The following ITGAM variants were observed in gnomAD, a reference collection of about 807,000 sequenced individuals.
ITGAM encodes the protein integrin subunit alpha M.
A neutral mutation model predicts 137.5 loss-of-function variants in ITGAM; 79 were observed. That is an observed-to-expected ratio of 0.57 (90% confidence interval 0.48 to 0.69). The LOEUF is 0.69. Ranked by LOEUF, ITGAM falls within the 30% of genes least tolerant of loss-of-function variation. The probability of loss-of-function intolerance (pLI) is 0.00; values close to 1 mark genes in which losing one functional copy is unlikely to be tolerated. For synonymous variants in ITGAM, 583 were observed against 592.3 expected (o/e 0.98, Z 0.23); for missense variants, 1,343 against 1,483.5 (o/e 0.91, Z 1.56).
Position 31,297,638 on chromosome 16 carries a change from G to A in ITGAM, c.1481G>A (p.Cys494Tyr). The part of the protein sequence containing the change: ...EQTRGGQVSV[C>Y]PLPRGRARWQ... ...ACCCGAGGGGGCCAGGTGTCCGTGT[G>A]CCCCTTGCCCAGGGGGGTGAGTGGC... The change falls in exon 13 of 30, where the codon TGC becomes TAC. Residue 494 changes from cysteine (C) to tyrosine (Y), a missense_variant. Coordinates refer to ENST00000544665, the MANE Select transcript of ITGAM (RefSeq NM_000632.4). 6.2e-7 allele frequency: 1 copy of A among 1,613,310 alleles called. No homozygotes were observed. The highest frequency in any genetic ancestry group is 8.5e-7 in the Non-Finnish European group (1 of 1,179,842).
chr16:31,328,314 A>ATG lies in ITGAM; in HGVS notation c.2792+97_2792+98dup, dbSNP rs377321047. On this transcript the variant is annotated intron_variant, in intron 23 of 29. Coordinates refer to ENST00000544665, the MANE Select transcript of ITGAM (RefSeq NM_000632.4). The stretch of plus-strand genomic sequence containing the variant: ...TGCATCTGTGTGCATGAGTCTGTGC[A>ATG]TGTGTGTGTGTGTGAGAGTCTGAGG... The ATG allele has an allele frequency of 2.2e-3, 2,223 of 1,016,894 alleles. 2 individuals are homozygous for ATG. The highest frequency in any genetic ancestry group is 4.0e-3 in the South Asian group (314 of 78,018). The allele number at this position is 1,016,894 out of a possible 1,614,324, so 63.0% of individuals were successfully genotyped here.
At chr16:31,275,026 C>A (rs1340411031) in intron 8 of ITGAM, among the ~76,000 whole-genome samples, 1 of 152,098 alleles carries the variant, frequency 6.6e-6, no homozygotes, top group African/African-American at 2.4e-5. Context: ...CAAGGGTGCT[C>A]TGTATACAAT....
chr16:31,331,395 T>A, intron 29 of ITGAM, 120 bp downstream of exon 29: 1 of 705,740 alleles, frequency 1.4e-6, no homozygotes, highest in Non-Finnish European at 2.5e-6. Flanking sequence ...TCTGGGAGCC[T>A]CTCTGCGCCT....
In ITGAM at chr16:31,320,953, G is replaced by C. The variant is rs186651345; in HGVS notation, c.1708-288G>C. On this transcript the variant is annotated intron_variant, in intron 14 of 29. Coordinates refer to ENST00000544665, the MANE Select transcript of ITGAM (RefSeq NM_000632.4). ...CTTGAGAGGCTGACAGGGCAGAATC[G>C]CTTGAGCCCAGGAGTTCAAGACCAG... Among the ~76,000 whole-genome samples, 6 of 152,268 alleles carry C rather than the reference G, an allele frequency of 3.9e-5. No individual in the cohort carries two copies. In the South Asian group the frequency reaches 1.2e-3, roughly 32 times the overall value.
At chr16:31,296,153 G>A (rs1343252662) in intron 12 of ITGAM, among the ~76,000 whole-genome samples, 4 of 149,212 alleles carry the variant, frequency 2.7e-5, no homozygotes, top group Non-Finnish European at 1.5e-5. Context: ...TGCCCAGGCT[G>A]GAGTGCAGTG....
At chr16:31,296,514 A>C (rs977735191) in intron 12 of ITGAM, among the ~76,000 whole-genome samples, 10 of 152,210 alleles carry the variant, frequency 6.6e-5, no homozygotes, top group Non-Finnish European at 1.3e-4. Context: ...TGACCTAAAA[A>C]ACAATCAAAT....
Position 31,297,572 on chromosome 16 carries a change from C to T in ITGAM, c.1415C>T (p.Thr472Ile). ...CSVDVDSNGSTDLVLIGAPHY... is the reference protein window; with the variant it reads ...CSVDVDSNGSIDLVLIGAPHY... ...GTGGACGTGGACAGCAACGGCAGCA[C>T]CGACCTGGTCCTCATCGGGGCCCCC... is the stretch of plus-strand genomic sequence containing the variant. Residue 472 changes from threonine (T) to isoleucine (I), a missense_variant, in exon 13 of 30, where the codon ACC becomes ATC. Coordinates refer to ENST00000544665, the MANE Select transcript of ITGAM (RefSeq NM_000632.4). The T allele has an allele frequency of 6.2e-7, 1 of 1,612,326 alleles. No individual in the cohort carries two copies. The highest frequency in any genetic ancestry group is 8.5e-7 in the Non-Finnish European group (1 of 1,179,866).
At chr16:31,265,756 C>T in intron 3 of ITGAM, 55 bp from the exon 4 acceptor site, 1 of 1,522,316 alleles carries the variant, frequency 6.6e-7, no homozygotes, top group Non-Finnish European at 9.0e-7. Flanking sequence ...CCAGCTCTTC[C>T]ACAGCCTTCT....
At chr16:31,295,620 ATTTATATATATATGTT>A (rs1295198598) in intron 12 of ITGAM, among the ~76,000 whole-genome samples, 1 of 150,076 alleles carries the variant, frequency 6.7e-6, no homozygotes, top group African/African-American at 2.4e-5. Flanking sequence ...TTAAAAATAT[ATTTATATATATATGTT>A]TTTATATATA....
At chr16:31,321,068 G>A (rs1301477032) in intron 14 of ITGAM, among the ~76,000 whole-genome samples, 173 bp from the exon 15 acceptor site, 1 of 152,108 alleles carries the variant, frequency 6.6e-6, no homozygotes, top group Non-Finnish European at 1.5e-5. Flanking sequence ...GTGGTCTAAA[G>A]GTGAATAATT....
chr16:31,270,699 G>GTGTATATA (rs1477833816), intron 5 of ITGAM, among the ~76,000 whole-genome samples: 529 of 25,752 alleles, frequency 0.021, 13 homozygotes, highest in Middle Eastern at 0.042. Context: ...GTGTGTGTGT[G>GTGTATATA]TATATATATA....
In ITGAM at chr16:31,297,542, G is replaced by A; in HGVS notation, c.1385G>A (p.Cys462Tyr). 1 of 1,612,072 alleles carries A rather than the reference G, an allele frequency of 6.2e-7. No individual in the cohort carries two copies. The highest frequency in any genetic ancestry group is 8.5e-7 in the Non-Finnish European group (1 of 1,179,864). The change falls in exon 13 of 30, where the codon TGC (cysteine) becomes TAC (tyrosine). Residue 462 changes from cysteine (C) to tyrosine (Y), a missense_variant. By Grantham distance (194) the Cys-to-Tyr change is radical (BLOSUM62 -2). Coordinates refer to ENST00000544665, the MANE Select transcript of ITGAM (RefSeq NM_000632.4). ...QIGAYFGASL[C>Y]SVDVDSNGST... ...GGCGCCTACTTCGGGGCCTCCCTCT[G>A]CTCCGTGGACGTGGACAGCAACGGC... is the stretch of plus-strand genomic sequence containing the variant.
At position 31,270,699 on chromosome 16, in the gene ITGAM, GTATATATATATATATATATATA is replaced by G. The variant is rs869206231; in HGVS notation, c.428-231_428-210del. ...TGACTAATTTTTAACGTGTGTGTGTGTATATATATATATATATATATATATATATATATATATATATATATGT... is the reference window on the plus strand; with the variant it reads ...TGACTAATTTTTAACGTGTGTGTGTGTATATATATATATATATATATATGT... On this transcript the variant is annotated intron_variant, in intron 5 of 29. Coordinates refer to ENST00000544665, the MANE Select transcript of ITGAM (RefSeq NM_000632.4). Among the ~76,000 whole-genome samples the G allele has an allele frequency of 3.0e-3, 79 of 26,008 alleles. 3 individuals are homozygous for G. The highest frequency in any genetic ancestry group is 0.038 in the Middle Eastern group (1 of 26). The allele number at this position is 26,008 out of a possible 152,430, so 17.1% of individuals were successfully genotyped here.
At chr16:31,323,143 C>T (rs1268586340) in intron 16 of ITGAM, among the ~76,000 whole-genome samples, 1 of 151,558 alleles carries the variant, frequency 6.6e-6, no homozygotes, top group Non-Finnish European at 1.5e-5. Context: ...AAGAATTTCC[C>T]CAAACTGGCC....
intron 14 of ITGAM, among the ~76,000 whole-genome samples, chr16:31,318,773 T>G (rs913972591): frequency 1.3e-5 from 2 of 152,236 alleles, no homozygotes; most frequent in African/African-American, 4.8e-5. Context: ...TTTAGTTTGT[T>G]CTTTTATTTC....
intron 5 of ITGAM, 42 bp from the exon 6 acceptor site, chr16:31,270,912 A>C: frequency 7.3e-7 from 1 of 1,377,340 alleles, no homozygotes; most frequent in Non-Finnish European, 9.5e-7. Flanking sequence ...CAAAACACCA[A>C]GTGTCAAATT....
intron 12 of ITGAM, among the ~76,000 whole-genome samples, chr16:31,285,833 A>G (rs1385211465): frequency 7.1e-6 from 1 of 141,136 alleles, no homozygotes; most frequent in Non-Finnish European, 1.5e-5. Flanking sequence ...GGGTCTCACT[A>G]TGTTGCCCAG....
intron 12 of ITGAM, among the ~76,000 whole-genome samples, chr16:31,292,277 C>G (rs2080094280): frequency 6.6e-6 from 1 of 151,690 alleles, no homozygotes; most frequent in Non-Finnish European, 1.5e-5. Flanking sequence ...TCAACTTTTA[C>G]TTTAGGTTTG....
At chr16:31,295,127 T>A (rs1004303868) in intron 12 of ITGAM, among the ~76,000 whole-genome samples, 1 of 152,202 alleles carries the variant, frequency 6.6e-6, no homozygotes, top group African/African-American at 2.4e-5. Flanking sequence ...TTACTAGAGC[T>A]TTCTTGACAC....
Sources: allele counts gnomAD v4.1 joint callset (sites outside exome capture counted in the v4.1 genomes callset), GRCh38; gene constraint gnomAD v4.1.1; transcripts MANE v1.5; gene names NCBI Gene and HGNC (gene_info 2026-07-23, HGNC 2026-07-21).